Variants in SLC14A2 observed in about 807,000 individuals in gnomAD.
SLC14A2 encodes solute carrier family 14 member 2, also known as urea transporter 2.
A neutral mutation model predicts 104.6 loss-of-function variants in SLC14A2; 91 were observed. The observed-to-expected ratio is 0.87, with a 90% CI of 0.73 to 1.04. The LOEUF (loss-of-function observed/expected upper bound fraction) is 1.04. Ranked by LOEUF, SLC14A2 falls within the 50% of genes least tolerant of loss-of-function variation. The pLI is 0.00. For missense variants in SLC14A2, 1,189 were observed against 1,156.0 expected, an observed-to-expected ratio of 1.03 and a Z score of -0.41; for synonymous variants, 476 against 466.4, an observed-to-expected ratio of 1.02 and a Z score of -0.27.
chr18:45,474,070 G>A (rs1237334354), intron 1 of SLC14A2, among the ~76,000 whole-genome samples: 1 of 152,104 alleles, frequency 6.6e-6, no homozygotes, highest in Non-Finnish European at 1.5e-5. Flanking sequence ...CTAGTTTATT[G>A]GGAGTTTTTA....
intron 1 of SLC14A2, among the ~76,000 whole-genome samples, chr18:45,296,909 C>T (rs1031775491): frequency 6.6e-6 from 1 of 152,060 alleles, no homozygotes; most frequent in African/African-American, 2.4e-5. Flanking sequence ...TTATTGTTTC[C>T]TTTATGCCTC....
intron 1 of SLC14A2, among the ~76,000 whole-genome samples, chr18:45,375,793 T>C (rs1055824205): frequency 6.6e-6 from 1 of 152,166 alleles, no homozygotes; most frequent in African/African-American, 2.4e-5. Context: ...CATTCCCCCA[T>C]CACTTTCCTT....
chr18:45,241,130 A>T (rs1474485250), intron 1 of SLC14A2, among the ~76,000 whole-genome samples: 1 of 152,238 alleles, frequency 6.6e-6, no homozygotes, highest in East Asian at 1.9e-4. Flanking sequence ...AGTGCAGAGC[A>T]GCAACTCCCC....
chr18:45,395,794 T>G (rs2144430665), intron 1 of SLC14A2, among the ~76,000 whole-genome samples: 1 of 152,264 alleles, frequency 6.6e-6, no homozygotes, highest in Non-Finnish European at 1.5e-5. Flanking sequence ...TTCTCTGGGG[T>G]TTGGCCACCT....
chr18:45,377,319 G>A (rs1181006829), intron 1 of SLC14A2, among the ~76,000 whole-genome samples: 1 of 151,528 alleles, frequency 6.6e-6, no homozygotes, highest in African/African-American at 2.4e-5. Context: ...AATCTCCTGA[G>A]GATCCCCACA....
chr18:45,503,861 C>T (rs1444641755), intron 2 of SLC14A2, among the ~76,000 whole-genome samples: 2 of 152,162 alleles, frequency 1.3e-5, no homozygotes, highest in Non-Finnish European at 2.9e-5. Context: ...GTAGGTAAAA[C>T]AGAGAGGAGT....
At chr18:45,307,879 T>C (rs1179672181) in intron 1 of SLC14A2, among the ~76,000 whole-genome samples, 1 of 152,238 alleles carries the variant, frequency 6.6e-6, no homozygotes, top group Non-Finnish European at 1.5e-5. Context: ...AGGGTTGAAC[T>C]GGCTTATGGT....
chr18:45,288,631 A>G (rs1282375243), intron 1 of SLC14A2, among the ~76,000 whole-genome samples: 1 of 152,036 alleles, frequency 6.6e-6, no homozygotes, highest in Non-Finnish European at 1.5e-5. Flanking sequence ...GCTAAAACCT[A>G]TGGCCATTAG....
At chr18:45,591,435 A>G (rs2144388116) in intron 2 of SLC14A2, among the ~76,000 whole-genome samples, 1 of 152,292 alleles carries the variant, frequency 6.6e-6, no homozygotes, top group African/African-American at 2.4e-5. Context: ...TCCCGGGTTC[A>G]AGCAGTTCTC....
chr18:45,556,229 C>A (rs1346906683), intron 2 of SLC14A2, among the ~76,000 whole-genome samples: 2 of 152,158 alleles, frequency 1.3e-5, no homozygotes, highest in Admixed American at 6.5e-5. Flanking sequence ...AGTACCATCA[C>A]CTTGAAAGTT....
At chr18:45,447,018 G>T (rs529647950) in intron 1 of SLC14A2, among the ~76,000 whole-genome samples, 18 of 152,124 alleles carry the variant, frequency 1.2e-4, no homozygotes, top group Middle Eastern at 3.4e-3. Context: ...ACCTGTTTTT[G>T]ATTCATTGAT....
intron 2 of SLC14A2, among the ~76,000 whole-genome samples, chr18:45,571,330 C>A (rs1017038492): frequency 1.3e-5 from 2 of 152,262 alleles, no homozygotes; most frequent in Admixed American, 6.5e-5. Flanking sequence ...TTGCTCCCAG[C>A]TGGCTTTCTT....
intron 1 of SLC14A2, among the ~76,000 whole-genome samples, chr18:45,290,300 G>T (rs763125729): frequency 9.9e-5 from 15 of 152,038 alleles, no homozygotes; most frequent in Admixed American, 2.6e-4. Context: ...GCAGTCTTTT[G>T]TTCCATTCTT....
At chr18:45,414,008 C>T (rs1223041981) in intron 1 of SLC14A2, among the ~76,000 whole-genome samples, 2 of 152,020 alleles carry the variant, frequency 1.3e-5, no homozygotes, top group Admixed American at 6.6e-5. Flanking sequence ...ACCTGTGCCT[C>T]GTACAAAAAA....
intron 1 of SLC14A2, among the ~76,000 whole-genome samples, chr18:45,257,152 C>T (rs1344017108): frequency 6.6e-6 from 1 of 152,164 alleles, no homozygotes; most frequent in Non-Finnish European, 1.5e-5. Context: ...TCAAGATGGG[C>T]TTGTGTAGAA....
the SLC14A2 span, among the ~76,000 whole-genome samples, chr18:45,197,615 GGA>G: frequency 6.6e-6 from 1 of 152,128 alleles, no homozygotes; most frequent in East Asian, 1.9e-4. Flanking sequence ...GCAGCCTCTG[GGA>G]ACTTACATCC....
chr18:45,420,266 A>T (rs950082659), intron 1 of SLC14A2, among the ~76,000 whole-genome samples: 12 of 152,192 alleles, frequency 7.9e-5, no homozygotes, highest in East Asian at 7.7e-4. Context: ...CTTCTCTCAG[A>T]GTGAGTTATT....
chr18:45,612,815 C>T (rs2044993880), upstream of SLC14A2, among the ~76,000 whole-genome samples: 1 of 152,172 alleles, frequency 6.6e-6, no homozygotes, highest in Admixed American at 6.5e-5. Context: ...CTATGCTGTT[C>T]TCATGATAGT....
intron 2 of SLC14A2, among the ~76,000 whole-genome samples, chr18:45,589,383 A>G (rs558496615): frequency 1.3e-5 from 2 of 152,176 alleles, no homozygotes; most frequent in African/African-American, 4.8e-5. Context: ...GCACACAAAC[A>G]CACACACAAG....
Sources: allele counts gnomAD v4.1 joint callset (sites outside exome capture counted in the v4.1 genomes callset), GRCh38; gene constraint gnomAD v4.1.1; transcripts MANE v1.5; gene names NCBI Gene and HGNC (gene_info 2026-07-23, HGNC 2026-07-21).